The following AKAP19 variants were observed in gnomAD, a reference collection of about 807,000 sequenced individuals.
AKAP19 encodes the protein small A-kinase anchoring protein.
chr2:190,119,807 T>A, the AKAP19 span, among the ~76,000 whole-genome samples: 1 of 150,494 alleles, frequency 6.6e-6, no homozygotes, highest in African/African-American at 2.5e-5. Flanking sequence ...AAAGAAAAAA[T>A]TGGCCAAAAA....
At chr2:190,065,715 T>C in the AKAP19 span, among the ~76,000 whole-genome samples, 1 of 152,204 alleles carries the variant, frequency 6.6e-6, no homozygotes, top group Non-Finnish European at 1.5e-5. Context: ...CTGGGAACAA[T>C]AGTTCAATAT....
At chr2:190,048,418 T>C in the AKAP19 span, among the ~76,000 whole-genome samples, 1 of 152,162 alleles carries the variant, frequency 6.6e-6, no homozygotes, top group Non-Finnish European at 1.5e-5. Flanking sequence ...TCATACCCTA[T>C]AGTTTAGTTC....
chr2:190,027,832 A>C, the AKAP19 span, among the ~76,000 whole-genome samples: 1 of 152,200 alleles, frequency 6.6e-6, no homozygotes, highest in Non-Finnish European at 1.5e-5. Context: ...ACAGGTAATG[A>C]AAGAGTGTTT....
At chr2:190,057,293 G>A in the AKAP19 span, 1 of 1,613,234 alleles carries the variant, frequency 6.2e-7, no homozygotes. Context: ...ACCATCGCTG[G>A]AATTTTCCCA....
chr2:190,147,748 TTG>T, the AKAP19 span, among the ~76,000 whole-genome samples: 5 of 101,408 alleles, frequency 4.9e-5, no homozygotes, highest in East Asian at 4.1e-4. Flanking sequence ...GGTTTTTTTT[TTG>T]TTGTTGTTGT....
At chr2:190,180,671 G>C in the AKAP19 span, 24 of 985,506 alleles carry the variant, frequency 2.4e-5, no homozygotes, top group Middle Eastern at 4.7e-3. This position sits in a 1 kb window ranked among gnomAD's most constrained non-coding sequence, Gnocchi z 6.8. Flanking sequence ...AGGAAGTATC[G>C]AGGCAACCCT....
At chr2:190,077,436 A>G in the AKAP19 span, among the ~76,000 whole-genome samples, 2,633 of 147,304 alleles carry the variant, frequency 0.018, 59 homozygotes, top group African/African-American at 0.052. Context: ...AAAATGTTAA[A>G]CATTTAAAAT....
chr2:190,006,609 C>T, the AKAP19 span, among the ~76,000 whole-genome samples: 3 of 148,952 alleles, frequency 2.0e-5, no homozygotes, highest in Non-Finnish European at 4.5e-5. Flanking sequence ...ACTGCACTAC[C>T]GCCTGGGCGA....
chr2:190,180,543 C>A, the AKAP19 span: 3 of 985,764 alleles, frequency 3.0e-6, no homozygotes, highest in South Asian at 1.4e-4. This position sits in a 1 kb window ranked among gnomAD's most constrained non-coding sequence, Gnocchi z 6.8. Flanking sequence ...CGGGTCTGTT[C>A]CCGCTGCGGC....
At chr2:190,096,911 T>A in the AKAP19 span, among the ~76,000 whole-genome samples, 33 of 152,070 alleles carry the variant, frequency 2.2e-4, no homozygotes, top group African/African-American at 7.5e-4. Context: ...TCGGATCCCA[T>A]CCATGAGGGC....
At chr2:189,913,619 G>A in the AKAP19 span, among the ~76,000 whole-genome samples, 1 of 152,128 alleles carries the variant, frequency 6.6e-6, no homozygotes, top group South Asian at 2.1e-4. Flanking sequence ...TATGGCTATA[G>A]GTTAGCTGGA....
At chr2:190,112,192 G>A in the AKAP19 span, among the ~76,000 whole-genome samples, 1 of 152,134 alleles carries the variant, frequency 6.6e-6, no homozygotes, top group South Asian at 2.1e-4. Context: ...TGAGAACGTG[G>A]TGTACCCCTC....
chr2:189,959,448 ATTT>A, the AKAP19 span, among the ~76,000 whole-genome samples: 142 of 151,986 alleles, frequency 9.3e-4, no homozygotes, highest in African/African-American at 3.2e-3. Flanking sequence ...ATGTACACTG[ATTT>A]TTTTTCAGAA....
chr2:189,961,309 G>A, the AKAP19 span, among the ~76,000 whole-genome samples: 6 of 152,142 alleles, frequency 3.9e-5, no homozygotes, highest in African/African-American at 1.2e-4. Flanking sequence ...GCTCAGATAT[G>A]GTCTCTACCC....
At chr2:190,099,450 G>A in the AKAP19 span, among the ~76,000 whole-genome samples, 1 of 152,268 alleles carries the variant, frequency 6.6e-6, no homozygotes, top group South Asian at 2.1e-4. Context: ...TAAGTTCACT[G>A]TCTTATATGG....
chr2:189,941,011 A>G, the AKAP19 span, among the ~76,000 whole-genome samples: 1 of 152,242 alleles, frequency 6.6e-6, no homozygotes, highest in African/African-American at 2.4e-5. Context: ...GCAAGAGAAA[A>G]GAAGAATATA....
the AKAP19 span, among the ~76,000 whole-genome samples, chr2:189,942,633 G>A: frequency 6.6e-6 from 1 of 152,206 alleles, no homozygotes; most frequent in Admixed American, 6.5e-5. Flanking sequence ...GAACTTCTTA[G>A]ACACTGATTA....
At chr2:189,897,576 A>G in the AKAP19 span, among the ~76,000 whole-genome samples, 4 of 152,174 alleles carry the variant, frequency 2.6e-5, no homozygotes, top group Non-Finnish European at 4.4e-5. Flanking sequence ...AATTTACTGA[A>G]TTTCTCTATC....
At chr2:189,891,223 CTTTT>C in the AKAP19 span, among the ~76,000 whole-genome samples, 1 of 110,466 alleles carries the variant, frequency 9.1e-6, no homozygotes. Flanking sequence ...TTTTTTTTTC[CTTTT>C]TTTTTTTTTT....
Sources: gnomAD v4.1 joint callset for allele counts (sites outside exome capture counted in the v4.1 genomes callset) on GRCh38, gnomAD v4.1.1 for gene constraint, Gnocchi (gnomAD v3.1) non-coding constraint, MANE v1.5 for transcripts, NCBI Gene and HGNC (gene_info 2026-07-23, HGNC 2026-07-21) for gene names.